Variants in UBASH3A observed in about 807,000 individuals in gnomAD.
The protein encoded by UBASH3A is ubiquitin-associated and SH3 domain-containing protein A.
In UBASH3A, 63 loss-of-function variants were observed where a neutral mutation model predicts 73.5. The ratio of observed to expected loss-of-function variants is 0.86; its 90% CI spans 0.70 to 1.06. UBASH3A has a LOEUF of 1.06. Ranked by LOEUF, UBASH3A falls within the 50% of genes least tolerant of loss-of-function variation. The probability of loss-of-function intolerance (pLI) is 0.00; values close to 1 mark genes in which losing one functional copy is unlikely to be tolerated. For missense variants in UBASH3A, 860 were observed against 859.0 expected (o/e 1.00, Z -0.02); for synonymous variants, 363 against 351.1 (o/e 1.03, Z -0.38).
intron 11 of UBASH3A, among the ~76,000 whole-genome samples, chr21:42,438,061 A>G (rs958015464): frequency 1.3e-5 from 2 of 152,148 alleles, no homozygotes; most frequent in Non-Finnish European, 2.9e-5. Flanking sequence ...GGGAAGAAGA[A>G]AGTTCCTGCC....
At chr21:42,419,859 C>T (rs565693269) in intron 7 of UBASH3A, among the ~76,000 whole-genome samples, 48 of 152,268 alleles carry the variant, frequency 3.2e-4, no homozygotes, top group African/African-American at 1.1e-3. Context: ...ATTATAAAAT[C>T]GGCTTTGTGT....
At chr21:42,412,747 G>A (rs3761377) in intron 3 of UBASH3A, among the ~76,000 whole-genome samples, 1 of 152,186 alleles carries the variant, frequency 6.6e-6, no homozygotes, top group African/African-American at 2.4e-5. Flanking sequence ...GCCATGGAGG[G>A]AGGGGATGCA....
chr21:42,406,231 A>T, intron 1 of UBASH3A, 77 bp from the exon 2 acceptor site: 1 of 1,222,604 alleles, frequency 8.2e-7, no homozygotes, highest in Non-Finnish European at 1.2e-6. Flanking sequence ...TGGGTGTGCA[A>T]GGCCACACCC....
At chr21:42,406,078 T>C (rs112136897) in intron 1 of UBASH3A, among the ~76,000 whole-genome samples, 10,103 of 145,672 alleles carry the variant, frequency 0.069, 466 homozygotes, top group Middle Eastern at 0.14. Context: ...CTGAAGCGGG[T>C]AGCCAGGGAA....
intron 11 of UBASH3A, among the ~76,000 whole-genome samples, chr21:42,438,195 G>A (rs1470398415): frequency 2.0e-5 from 3 of 152,346 alleles, no homozygotes; most frequent in South Asian, 2.1e-4. Context: ...CCGTGGCCAG[G>A]AGCATGGGTG....
chr21:42,404,620 C>T (rs2052932046), intron 1 of UBASH3A, among the ~76,000 whole-genome samples: 1 of 152,128 alleles, frequency 6.6e-6, no homozygotes, highest in African/African-American at 2.4e-5. Context: ...CTCAGTGACT[C>T]TGAAAGTGGC....
chr21:42,443,857 C>T (rs1309459057), intron 13 of UBASH3A, among the ~76,000 whole-genome samples: 2 of 147,618 alleles, frequency 1.4e-5, no homozygotes, highest in East Asian at 3.9e-4. Context: ...GGACTGAATG[C>T]TGATGGGACC....
rs1209927392 is a variant in UBASH3A, at chr21:42,447,411, C to T, written c.*217C>T. ...CGTCCACCAGCCCAGCTGCGGGGAG[C>T]ACAGGGCAGGTGGCTGGGTGAGGAT... is the stretch of plus-strand genomic sequence containing the variant. On this transcript the variant is annotated 3_prime_UTR_variant, in exon 15 of 15. Coordinates refer to ENST00000319294, the MANE Select transcript of UBASH3A (RefSeq NM_018961.4). The T allele has an allele frequency of 1.9e-6, 1 of 515,814 alleles. No individual in the cohort carries two copies. The highest frequency in any genetic ancestry group is 3.4e-6 in the Non-Finnish European group (1 of 297,716). The allele number at this position is 515,814 out of a possible 1,614,324, so 32.0% of individuals were successfully genotyped here.
In UBASH3A at chr21:42,447,543, T is replaced by C; in HGVS notation, c.*349T>C. 5.2e-6 allele frequency: 1 copy of C among 190,640 alleles called. No individual in the cohort carries two copies. 11.8% of individuals were successfully genotyped at this position (190,640 alleles called of 1,614,324 possible). A position where few individuals can be genotyped will look rare whatever the true frequency, so the allele number is the denominator to read the frequency against. ...CACCACACACGAAGGATCTAACCAC[T>C]TCATTTTCCATGGTCTAATCATTAA... On this transcript the variant is annotated 3_prime_UTR_variant, in exon 15 of 15. Coordinates refer to ENST00000319294, the MANE Select transcript of UBASH3A (RefSeq NM_018961.4).
rs368097423 is a variant in UBASH3A at position 42,437,519 on chromosome 21, C to G, written c.1425C>G (p.Ile475Met). 6.2e-7 allele frequency: 1 copy of G among 1,614,126 alleles called. No homozygotes were observed. The highest frequency in any genetic ancestry group is 1.3e-5 in the African/African-American group (1 of 74,940). The change falls in exon 11 of 15, where the codon ATC becomes ATG. Residue 475 changes from isoleucine to methionine, a missense_variant. Physicochemically the swap from Ile to Met is conservative, Grantham distance 10. Transcript: ENST00000319294. ...GDALLDSGIRISSVFASPALR... is the reference protein window; with the variant it reads ...GDALLDSGIRMSSVFASPALR... Reference sequence around the variant, plus strand: ...CGCTACTGGACAGTGGTATCAGAATCAGCTCTGTGTTTGCCTCCCCAGCCC... The same window carrying G: ...CGCTACTGGACAGTGGTATCAGAATGAGCTCTGTGTTTGCCTCCCCAGCCC...
In UBASH3A at chr21:42,403,975, C is replaced by T; in HGVS notation, c.30C>T (p.Ala10=). MAAGETQLY[A]KVSNKLKSRS... ...CAGCGGGGGAGACGCAGCTCTACGC[C>T]AAGGTCTCCAACAAGCTCAAGAGCC... is the stretch of plus-strand genomic sequence containing the variant. The change falls in exon 1 of 15, where the codon GCC becomes GCT. Residue 10 remains alanine, a synonymous_variant. Transcript: ENST00000319294. 1 of 1,525,606 alleles carries T rather than the reference C, an allele frequency of 6.6e-7. No homozygotes were observed. The highest frequency in any genetic ancestry group is 8.8e-7 in the Non-Finnish European group (1 of 1,132,392). 94.5% of individuals were successfully genotyped at this position (1,525,606 alleles called of 1,614,324 possible). A position where few individuals can be genotyped will look rare whatever the true frequency, so the allele number is the denominator to read the frequency against.
chr21:42,412,714 G>A (rs2053125128), intron 3 of UBASH3A, among the ~76,000 whole-genome samples: 1 of 152,186 alleles, frequency 6.6e-6, no homozygotes, highest in Admixed American at 6.5e-5. Context: ...CTGAGGAAAG[G>A]GCCTGGCAGG....
At chr21:42,416,981 CT>C (rs2053225523) in intron 6 of UBASH3A, among the ~76,000 whole-genome samples, 1 of 152,196 alleles carries the variant, frequency 6.6e-6, no homozygotes, top group African/African-American at 2.4e-5. Flanking sequence ...CATGTACCCC[CT>C]GGAGCCCTCC....
In UBASH3A at chr21:42,412,917, A is replaced by G. The variant is rs79493125; in HGVS notation, c.355-107A>G. The G allele has an allele frequency of 3.8e-3, 3,681 of 979,418 alleles. 91 individuals carry two copies. In the African/African-American group the frequency reaches 0.051, roughly 14 times the overall value. The allele number at this position is 979,418 out of a possible 1,614,324, so 60.7% of individuals were successfully genotyped here. ...AATAAATTATGTTACAGCGCTTTGAACAGAAAAGAATCTCACTTTAATTGC... is the reference window on the plus strand; with the variant it reads ...AATAAATTATGTTACAGCGCTTTGAGCAGAAAAGAATCTCACTTTAATTGC... On this transcript the variant is annotated intron_variant, in intron 3 of 14. Transcript: ENST00000319294.
intron 14 of UBASH3A, 85 bp from the exon 15 acceptor site, chr21:42,446,971 TG>T: frequency 6.9e-7 from 1 of 1,456,630 alleles, no homozygotes; most frequent in Admixed American, 1.9e-5. Flanking sequence ...AAAGTAGAGG[TG>T]TGCCTGACAG....
At position 42,418,545 on chromosome 21, in the gene UBASH3A, C is replaced by T. The variant is rs377011255; in HGVS notation, c.982C>T (p.Arg328Trp). 16 of 1,614,024 alleles carry T rather than the reference C, an allele frequency of 9.9e-6. No homozygotes were observed. The highest frequency in any genetic ancestry group is 6.7e-5 in the African/African-American group (5 of 74,916). Residue 328 changes from arginine to tryptophan, a missense_variant, in exon 7 of 15, where the codon CGG becomes TGG. Transcript: ENST00000319294. The part of the protein sequence containing the change: ...VIGISQRTGC[R>W]GFLPENYTDR... Reference sequence around the variant, plus strand: ...TGGGATCTCACAGCGGACGGGCTGCCGGGGCTTCCTGCCGGAAAACTACAC... The same window carrying T: ...TGGGATCTCACAGCGGACGGGCTGCTGGGGCTTCCTGCCGGAAAACTACAC...
chr21:42,443,055 CTT>C, intron 12 of UBASH3A: 1 of 1,192,824 alleles, frequency 8.4e-7, no homozygotes. Flanking sequence ...AGGAGAGAGT[CTT>C]TGTCATTCTC....
chr21:42,414,865 C>T (rs1023184315), intron 5 of UBASH3A, among the ~76,000 whole-genome samples: 13 of 152,326 alleles, frequency 8.5e-5, no homozygotes, highest in African/African-American at 1.7e-4. Context: ...ACCAGGCTGG[C>T]GGAGCAGGGA....
chr21:42,432,359 A>G (rs1015870153), intron 9 of UBASH3A, among the ~76,000 whole-genome samples, 157 bp downstream of exon 9: 1 of 134,494 alleles, frequency 7.4e-6, no homozygotes, highest in Admixed American at 7.1e-5. Context: ...TGCCTGCTAC[A>G]TCTTCCTCCA....
Sources: allele counts gnomAD v4.1 joint callset (sites outside exome capture counted in the v4.1 genomes callset), GRCh38; gene constraint gnomAD v4.1.1; transcripts MANE v1.5; gene names NCBI Gene and HGNC (gene_info 2026-07-23, HGNC 2026-07-21).